Variants in SNAP29 observed in about 807,000 individuals in gnomAD.
SNAP29 encodes the protein synaptosome associated protein 29, also known as synaptosomal-associated protein 29.
A neutral mutation model predicts 27.9 loss-of-function variants in SNAP29; 13 were observed. The observed-to-expected ratio is 0.47, with a 90% CI of 0.30 to 0.74. SNAP29 has a LOEUF of 0.74. Ranked by LOEUF, SNAP29 falls within the 30% of genes least tolerant of loss-of-function variation. The pLI, the probability that SNAP29 is intolerant of heterozygous loss-of-function variation, is 0.06. For synonymous variants in SNAP29, 119 were observed against 127.1 expected (o/e 0.94, Z 0.43); for missense variants, 368 against 336.5 (o/e 1.09, Z -0.73).
chr22:20,871,210 C>A (rs1928583388), intron 2 of SNAP29, among the ~76,000 whole-genome samples: 1 of 151,150 alleles, frequency 6.6e-6, no homozygotes. Flanking sequence ...AATTATAAGG[C>A]TGGGCTCAGT....
At chr22:20,866,390 G>A (rs1928460714) in intron 1 of SNAP29, among the ~76,000 whole-genome samples, 1 of 152,236 alleles carries the variant, frequency 6.6e-6, no homozygotes, top group Admixed American at 6.5e-5. Context: ...ATGGAACAAA[G>A]ATAAATTTCA....
rs1277137056 is a variant in SNAP29, at chr22:20,870,431, G to A, written c.332G>A (p.Ser111Asn). 2.5e-6 allele frequency: 4 copies of A among 1,614,158 alleles called. No individual in the cohort carries two copies. Among genetic ancestry groups the A allele is most frequent in the Non-Finnish European group, 3.4e-6 (4 of 1,180,006 alleles). The change falls in exon 2 of 5, where the codon AGC becomes AAC. Residue 111 changes from serine (S) to asparagine (N), a missense_variant. By Grantham distance (46) the Ser-to-Asn change is conservative. Coordinates refer to ENST00000215730, the MANE Select transcript of SNAP29 (RefSeq NM_004782.4). ...DLKISQKHIN[S>N]IKSVFGGLVN... ...AAGATCAGCCAGAAACACATCAATA[G>A]CATTAAGAGCGTGTTTGGGGGGCTG...
Position 20,859,277 on chromosome 22 carries a change from C to G in SNAP29, c.167C>G (p.Thr56Arg). 6.2e-7 allele frequency: 1 copy of G among 1,609,614 alleles called. No homozygotes were observed. Among genetic ancestry groups the G allele is most frequent in the Non-Finnish European group, 8.5e-7 (1 of 1,178,982 alleles). ...RQEVLRRAEA[T>R]AASTSRSLAL... ...GAGGTCCTCCGCAGGGCTGAGGCCA[C>G]GGCCGCCAGCACCAGCAGGTCCCTG... is the stretch of plus-strand genomic sequence containing the variant. Residue 56 changes from threonine to arginine, a missense_variant, in exon 1 of 5, where the codon ACG becomes AGG. Coordinates refer to ENST00000215730, the MANE Select transcript of SNAP29 (RefSeq NM_004782.4).
intron 4 of SNAP29, among the ~76,000 whole-genome samples, chr22:20,885,434 G>C (rs1213933557): frequency 6.6e-6 from 1 of 152,078 alleles, no homozygotes; most frequent in East Asian, 1.9e-4. Context: ...CTATGCCCTG[G>C]ACTCTGTCCT....
At chr22:20,883,706 CT>C in intron 4 of SNAP29, 137 bp downstream of exon 4, 2 of 717,776 alleles carry the variant, frequency 2.8e-6, no homozygotes, top group Non-Finnish European at 5.2e-6. Context: ...CTGGGTCCAT[CT>C]TGCCACCTCA....
At chr22:20,884,377 T>A (rs897050723) in intron 4 of SNAP29, among the ~76,000 whole-genome samples, 7 of 151,188 alleles carry the variant, frequency 4.6e-5, no homozygotes, top group Admixed American at 2.6e-4. Flanking sequence ...CTTCCAGAAC[T>A]CTCTCATGGA....
chr22:20,883,066 G>T (rs1305964758), intron 3 of SNAP29, among the ~76,000 whole-genome samples: 1 of 151,132 alleles, frequency 6.6e-6, no homozygotes, highest in Non-Finnish European at 1.5e-5. Flanking sequence ...AGAAAGAAAC[G>T]AAATTACCCA....
chr22:20,866,363 C>G (rs78649), intron 1 of SNAP29, among the ~76,000 whole-genome samples: 57,294 of 152,176 alleles, frequency 0.38, 11,243 homozygotes, highest in African/African-American at 0.46. Context: ...TGTGCACACT[C>G]CCTTGGGAAG....
Position 20,865,022 on chromosome 22 carries a change from A to G in SNAP29, c.238-5315A>G, listed in dbSNP as rs117007885. On this transcript the variant is annotated intron_variant, in intron 1 of 4. Transcript: ENST00000215730. ...TCACCGCTAGGTCTGTTCGGGATTT[A>G]TTTTTAATTAATTTTTGGTAAACTA... Among the ~76,000 whole-genome samples, 17 of 152,278 alleles carry G rather than the reference A, an allele frequency of 1.1e-4. No individual in the cohort carries two copies. The East Asian group carries it at 2.9e-3, about 26-fold the overall frequency.
chr22:20,859,659 C>G (rs991304390), intron 1 of SNAP29: 4 of 438,792 alleles, frequency 9.1e-6, no homozygotes, highest in African/African-American at 8.0e-5. Context: ...AAATTCTGAA[C>G]AGCAGGTCCT....
chr22:20,879,848 A>AT (rs1161660349), intron 2 of SNAP29, among the ~76,000 whole-genome samples: 7 of 124,214 alleles, frequency 5.6e-5, no homozygotes, highest in Non-Finnish European at 1.2e-4. Flanking sequence ...GTCTGAAAAA[A>AT]TTTAAAAAAA....
At chr22:20,878,872 G>A (rs1338863100) in intron 2 of SNAP29, among the ~76,000 whole-genome samples, 1 of 152,174 alleles carries the variant, frequency 6.6e-6, no homozygotes, top group Admixed American at 6.5e-5. Flanking sequence ...TAGTCTAAAT[G>A]ACTTTGAGTT....
intron 1 of SNAP29, among the ~76,000 whole-genome samples, chr22:20,865,725 C>A (rs1427074011): frequency 6.6e-6 from 1 of 152,204 alleles, no homozygotes; most frequent in Non-Finnish European, 1.5e-5. Context: ...CTGATTAAAA[C>A]CATCAAATGA....
rs1321678176 is a variant in SNAP29 at position 20,890,281 on chromosome 22, C to T, written c.*2445C>T. The T allele has an allele frequency of 2.5e-6, 1 of 398,430 alleles. No individual in the cohort carries two copies. Among genetic ancestry groups the T allele is most frequent in the African/African-American group, 2.1e-5 (1 of 48,598 alleles). 24.7% of individuals were successfully genotyped at this position (398,430 alleles called of 1,614,324 possible). The stretch of plus-strand genomic sequence containing the variant: ...GATTGGGATCGACAAAAAAATGCTA[C>T]CCTCTAGACTAGACACATTTCATGG... On this transcript the variant is annotated 3_prime_UTR_variant, in exon 5 of 5. Coordinates refer to ENST00000215730, the MANE Select transcript of SNAP29 (RefSeq NM_004782.4).
At chr22:20,885,725 C>T (rs1236139258) in intron 4 of SNAP29, among the ~76,000 whole-genome samples, 3 of 152,184 alleles carry the variant, frequency 2.0e-5, no homozygotes, top group African/African-American at 7.2e-5. Flanking sequence ...CAGTTACCGG[C>T]AGGACGCAGT....
At chr22:20,885,452 CAA>C (rs1240979571) in intron 4 of SNAP29, among the ~76,000 whole-genome samples, 1 of 152,158 alleles carries the variant, frequency 6.6e-6, no homozygotes, top group Non-Finnish European at 1.5e-5. Flanking sequence ...CCTCCAGAGC[CAA>C]AGACTTATCT....
chr22:20,876,992 A>C (rs28756194), intron 2 of SNAP29, among the ~76,000 whole-genome samples: 1 of 152,030 alleles, frequency 6.6e-6, no homozygotes, highest in Non-Finnish European at 1.5e-5. Context: ...TCTCATTTCC[A>C]CTTACAGCTC....
rs1929101231 is a variant in SNAP29, at chr22:20,889,530, A to G, written c.*1694A>G. Reference sequence around the variant, plus strand: ...TGAGCTCGGCATTATTATTTTCTCAATAACTGGTAGAAGGGAAATTTTAAA... The same window carrying G: ...TGAGCTCGGCATTATTATTTTCTCAGTAACTGGTAGAAGGGAAATTTTAAA... On this transcript the variant is annotated 3_prime_UTR_variant, in exon 5 of 5. Coordinates refer to ENST00000215730, the MANE Select transcript of SNAP29 (RefSeq NM_004782.4). The G allele has an allele frequency of 6.6e-6, 1 of 152,218 alleles. No individual in the cohort carries two copies. Among genetic ancestry groups the G allele is most frequent in the Non-Finnish European group, 1.5e-5 (1 of 68,042 alleles). The allele number at this position is 152,218 out of a possible 1,614,324, so 9.4% of individuals were successfully genotyped here.
In SNAP29 at chr22:20,887,808, G is replaced by A. The variant is rs1176116495; in HGVS notation, c.749G>A (p.Ser250Asn). The A allele has an allele frequency of 9.3e-6, 15 of 1,614,016 alleles. No individual in the cohort carries two copies. The highest frequency in any genetic ancestry group is 1.3e-5 in the African/African-American group (1 of 74,900). ...GACAAGTTAGATGTCAACATAAAAAGCACAGAAAGAAAAGTTCGACAACTC... is the reference window on the plus strand; with the variant it reads ...GACAAGTTAGATGTCAACATAAAAAACACAGAAAGAAAAGTTCGACAACTC... ...KVDKLDVNIK[S>N]TERKVRQL Residue 250 changes from serine to asparagine, a missense_variant, in exon 5 of 5, where the codon AGC (serine) becomes AAC (asparagine). Physicochemically the swap from Ser to Asn is conservative, Grantham distance 46. Transcript: ENST00000215730.
Sources: allele counts gnomAD v4.1 joint callset (sites outside exome capture counted in the v4.1 genomes callset), GRCh38; gene constraint gnomAD v4.1.1; transcripts MANE v1.5; gene names NCBI Gene and HGNC (gene_info 2026-07-23, HGNC 2026-07-21).